The following CDHR2 variants were observed in gnomAD, a reference collection of about 807,000 sequenced individuals.
The protein encoded by CDHR2 is cadherin-related family member 2.
Under a neutral mutation model 138.6 loss-of-function variants are expected in CDHR2, and 104 were observed. The observed-to-expected ratio is 0.75, with a 90% CI of 0.64 to 0.88. CDHR2 has a LOEUF of 0.88. Ranked by LOEUF, CDHR2 falls within the 40% of genes least tolerant of loss-of-function variation. CDHR2 has a pLI of 0.00. For synonymous variants in CDHR2, 755 were observed against 742.8 expected, an observed-to-expected ratio of 1.02 and a Z score of -0.27; for missense variants, 1,624 against 1,727.6, an observed-to-expected ratio of 0.94 and a Z score of 1.06.
Position 176,590,164 on chromosome 5 carries a change from T to G in CDHR2, c.3275+18T>G. ...GCAGCTCGGTGAGTGCCCAGAGGCC[T>G]GGGGGTGGGGTTGAGGGGGAGAAGC... On this transcript the variant is annotated intron_variant, in intron 25 of 31. Transcript: ENST00000261944. 6.2e-7 allele frequency: 1 copy of G among 1,603,900 alleles called. No individual in the cohort carries two copies. The highest frequency in any genetic ancestry group is 8.5e-7 in the Non-Finnish European group (1 of 1,171,084).
At chr5:176,549,943 G>A (rs1359676282) in intron 1 of CDHR2, among the ~76,000 whole-genome samples, 3 of 152,174 alleles carry the variant, frequency 2.0e-5, no homozygotes, top group Non-Finnish European at 4.4e-5. Flanking sequence ...GCCTATGACC[G>A]AGCCCAGTGC....
At chr5:176,549,001 CCT>C (rs563021469), upstream of CDHR2, among the ~76,000 whole-genome samples, 306 of 152,300 alleles carry the variant, frequency 2.0e-3, 2 homozygotes, top group Middle Eastern at 0.027. Context: ...CCACAGATCC[CCT>C]GTCACTGAAG....
At chr5:176,588,520 T>G (rs528380656) in intron 21 of CDHR2, among the ~76,000 whole-genome samples, 1 of 142,814 alleles carries the variant, frequency 7.0e-6, no homozygotes, top group South Asian at 2.3e-4. Context: ...TGTGTGCATG[T>G]GTGTGAGTGT....
chr5:176,558,214 ATTTTTTT>A (rs34795456), intron 1 of CDHR2, among the ~76,000 whole-genome samples: 2 of 132,176 alleles, frequency 1.5e-5, no homozygotes. Flanking sequence ...TTCTTTTCTT[ATTTTTTT>A]TTTTTTTTTT....
intron 31 of CDHR2, 43 bp from the exon 32 acceptor site, chr5:176,595,489 C>T (rs774942320): frequency 6.5e-6 from 10 of 1,529,036 alleles, no homozygotes; most frequent in Non-Finnish European, 8.8e-6. Flanking sequence ...GCACTCGCCC[C>T]ACCTTGCCTT....
At chr5:176,582,934 G>T (rs900009423) in intron 17 of CDHR2, among the ~76,000 whole-genome samples, 2 of 152,206 alleles carry the variant, frequency 1.3e-5, no homozygotes, top group African/African-American at 4.8e-5. Flanking sequence ...CACCTCTGCC[G>T]TGTCTGTGAT....
Position 176,589,353 on chromosome 5 carries a change from C to G in CDHR2, c.3032C>G (p.Thr1011Ser). Residue 1011 changes from threonine to serine, a missense_variant, in exon 23 of 32, where the codon ACT (threonine) becomes AGT (serine). Coordinates refer to ENST00000261944, the MANE Select transcript of CDHR2 (RefSeq NM_017675.6). The stretch of plus-strand genomic sequence containing the variant: ...AGGCCGGTGACCAGCCTCGACTCCA[C>G]TCTCCAAGGCACCTACCAAGTGACA... ...SIQPVTSLDS[T>S]LQGTYQVTVQ... is the part of the protein sequence containing the mutation. 1.3e-6 allele frequency: 2 copies of G among 1,554,862 alleles called. No homozygotes were observed. Among genetic ancestry groups the G allele is most frequent in the South Asian group, 2.5e-5 (2 of 80,204 alleles).
At chr5:176,548,345 G>A (rs566065577), upstream of CDHR2, among the ~76,000 whole-genome samples, 17 of 152,358 alleles carry the variant, frequency 1.1e-4, no homozygotes, top group South Asian at 3.1e-3. Context: ...TGTGCCCAGG[G>A]TCCCCTTTCT....
rs115865402 is a variant in CDHR2 at position 176,549,925 on chromosome 5, A to G, written c.-16+511A>G. The stretch of plus-strand genomic sequence containing the variant: ...CCTGAAAAGCCCTGAGGCAAAGGTG[A>G]GCATGTGGCCTATGACCGAGCCCAG... On this transcript the variant is annotated intron_variant, in intron 1 of 31. Coordinates refer to ENST00000261944, the MANE Select transcript of CDHR2 (RefSeq NM_017675.6). Among the ~76,000 whole-genome samples, 1,024 of 152,310 alleles carry G rather than the reference A, an allele frequency of 6.7e-3. 6 individuals carry two copies. The highest frequency in any genetic ancestry group is 0.023 in the African/African-American group (964 of 41,554).
chr5:176,591,506 C>T (rs934739238), intron 30 of CDHR2, 22 bp downstream of exon 30: 7 of 1,575,264 alleles, frequency 4.4e-6, no homozygotes, highest in African/African-American at 1.3e-5. Context: ...CCCTCACAGC[C>T]AGGCTAGGTG....
At chr5:176,566,839 C>T in intron 3 of CDHR2, 1 of 428,248 alleles carries the variant, frequency 2.3e-6, no homozygotes, top group South Asian at 1.6e-5. Context: ...GCAAATGTGG[C>T]CTTCATTCTG....
rs753946454 is a variant in CDHR2 at position 176,575,348 on chromosome 5, C to G, written c.690C>G (p.Ser230=). 1 of 1,614,246 alleles carries G rather than the reference C, an allele frequency of 6.2e-7. No individual in the cohort carries two copies. The highest frequency in any genetic ancestry group is 8.5e-7 in the Non-Finnish European group (1 of 1,180,042). The part of the protein sequence containing the change: ...QCSLPVFLSI[S]VVDQPDLDPQ... ...CCCTGCCTGTCTTCCTGTCCATCTC[C>G]GTGGTGGACCAGCCTGACCTTGACC... Residue 230 remains serine, a synonymous_variant, in exon 9 of 32, where the codon TCC becomes TCG. Coordinates refer to ENST00000261944, the MANE Select transcript of CDHR2 (RefSeq NM_017675.6).
chr5:176,558,868 G>A (rs1315500202), intron 1 of CDHR2, among the ~76,000 whole-genome samples: 1 of 152,200 alleles, frequency 6.6e-6, no homozygotes, highest in Non-Finnish European at 1.5e-5. Context: ...CTTCACCCTA[G>A]CCAGAGGTGT....
chr5:176,552,129 G>A (rs947056268), intron 1 of CDHR2, among the ~76,000 whole-genome samples: 1 of 152,330 alleles, frequency 6.6e-6, no homozygotes, highest in Middle Eastern at 3.4e-3. Flanking sequence ...GCAGGGAAAA[G>A]CGGGTGCCTG....
At chr5:176,558,675 G>A (rs371933648) in intron 1 of CDHR2, among the ~76,000 whole-genome samples, 170 of 152,030 alleles carry the variant, frequency 1.1e-3, no homozygotes, top group African/African-American at 3.3e-3. Flanking sequence ...GTGAGCCACC[G>A]CGCCTGGCTA....
chr5:176,546,540 C>T (rs1035800717), upstream of CDHR2, among the ~76,000 whole-genome samples: 25 of 152,002 alleles, frequency 1.6e-4, no homozygotes, highest in South Asian at 5.0e-3. Flanking sequence ...AGGAAACCGT[C>T]TTAGAGAGGT....
At chr5:176,549,031 G>A (rs140686406), upstream of CDHR2, among the ~76,000 whole-genome samples, 1,023 of 152,272 alleles carry the variant, frequency 6.7e-3, 6 homozygotes, top group African/African-American at 0.023. Flanking sequence ...GCAGGGAGGG[G>A]ACGGGGGCTC....
Position 176,584,119 on chromosome 5 carries a change from T to C in CDHR2, c.2059-71T>C, listed in dbSNP as rs780119366. ...TCCATGCCTTGGAGCACAGGGATTA[T>C]TGGTTTCTCGGATTGGCTCTGGGGA... is the stretch of plus-strand genomic sequence containing the variant. On this transcript the variant is annotated intron_variant, in intron 17 of 31. Transcript: ENST00000261944. The C allele has an allele frequency of 2.3e-5, 30 of 1,287,090 alleles. 1 individual carries two copies. The Middle Eastern group carries it at 1.3e-3, about 55-fold the overall frequency. 79.7% of individuals were successfully genotyped at this position (1,287,090 alleles called of 1,614,324 possible).
At chr5:176,585,228 G>A (rs1247309264) in intron 19 of CDHR2, among the ~76,000 whole-genome samples, 2 of 152,246 alleles carry the variant, frequency 1.3e-5, no homozygotes, top group African/African-American at 4.8e-5. Flanking sequence ...AAGATTCAAT[G>A]AGAATATGGA....
Sources: gnomAD v4.1 joint callset for allele counts (sites outside exome capture counted in the v4.1 genomes callset) on GRCh38, gnomAD v4.1.1 for gene constraint, MANE v1.5 for transcripts, NCBI Gene and HGNC (gene_info 2026-07-23, HGNC 2026-07-21) for gene names.